ADIPOR2: variants seen among roughly 807,000 people sequenced by gnomAD.
ADIPOR2 encodes the protein adiponectin receptor protein 2.
ADIPOR2 carries 18 observed loss-of-function variants against 40.9 expected under a neutral mutation model. The ratio of observed to expected loss-of-function variants is 0.44; its 90% CI spans 0.30 to 0.65. The LOEUF is 0.65. Among genes scored for constraint, ADIPOR2 ranks in the 30% least tolerant of loss-of-function variants. The pLI, the probability that ADIPOR2 is intolerant of heterozygous loss-of-function variation, is 0.09. For missense variants in ADIPOR2, 283 were observed against 479.2 expected (o/e 0.59, Z 3.82); for synonymous variants, 165 against 166.4 (o/e 0.99, Z 0.06).
chr12:1,747,012 G>T (rs1346792836), intron 1 of ADIPOR2, among the ~76,000 whole-genome samples: 2 of 151,768 alleles, frequency 1.3e-5, no homozygotes, highest in Non-Finnish European at 2.9e-5. Context: ...TCTAGTCTGG[G>T]CAACAGAGTA....
At chr12:1,733,840 G>A (rs1355345152) in intron 1 of ADIPOR2, among the ~76,000 whole-genome samples, 2 of 143,666 alleles carry the variant, frequency 1.4e-5, no homozygotes, top group Non-Finnish European at 3.0e-5. Context: ...TCCCACCTAT[G>A]AGTGAGAACA....
intron 1 of ADIPOR2, chr12:1,697,774 C>T (rs796436583): frequency 2.0e-5 from 3 of 152,458 alleles, no homozygotes; most frequent in African/African-American, 7.2e-5. Context: ...TGATTCAAGA[C>T]AGTACAGTAT....
At chr12:1,748,653 T>C (rs2094762298) in intron 1 of ADIPOR2, among the ~76,000 whole-genome samples, 1 of 151,994 alleles carries the variant, frequency 6.6e-6, no homozygotes, top group South Asian at 2.1e-4. Flanking sequence ...TGTCTATGGA[T>C]GTTCAATTAT....
intron 1 of ADIPOR2, among the ~76,000 whole-genome samples, chr12:1,738,776 A>G (rs375891458): frequency 7.2e-5 from 11 of 152,272 alleles, no homozygotes; most frequent in African/African-American, 2.6e-4. Context: ...TGTTGGTTGA[A>G]GAAACCATTT....
intron 1 of ADIPOR2, among the ~76,000 whole-genome samples, chr12:1,733,033 C>T (rs2094723531): frequency 6.6e-6 from 1 of 152,090 alleles, no homozygotes; most frequent in South Asian, 2.1e-4. Flanking sequence ...AATGGGAAAC[C>T]TTGTTAGATT....
chr12:1,720,276 G>A (rs181602355), intron 1 of ADIPOR2, among the ~76,000 whole-genome samples: 1 of 152,240 alleles, frequency 6.6e-6, no homozygotes, highest in Admixed American at 6.5e-5. Flanking sequence ...ACTTTTGCCA[G>A]GCACTATTTT....
At chr12:1,718,371 C>T (rs2094691710) in intron 1 of ADIPOR2, among the ~76,000 whole-genome samples, 1 of 152,014 alleles carries the variant, frequency 6.6e-6, no homozygotes, top group South Asian at 2.1e-4. Context: ...CAGAGAAAGT[C>T]CAGCATCTAT....
chr12:1,779,096 A>G (rs1327886879), intron 4 of ADIPOR2, among the ~76,000 whole-genome samples: 1 of 152,216 alleles, frequency 6.6e-6, no homozygotes, highest in African/African-American at 2.4e-5. Context: ...GGAATGTGAA[A>G]TGGGGCAGTC....
At chr12:1,766,556 C>A (rs1437781368) in intron 2 of ADIPOR2, among the ~76,000 whole-genome samples, 9 of 152,214 alleles carry the variant, frequency 5.9e-5, no homozygotes, top group Admixed American at 5.2e-4. Flanking sequence ...CCCTAGGCCT[C>A]TGACCCTAAA....
chr12:1,719,246 G>A (rs1365058401), intron 1 of ADIPOR2, among the ~76,000 whole-genome samples: 2 of 152,014 alleles, frequency 1.3e-5, no homozygotes, highest in African/African-American at 4.8e-5. Context: ...CTTCTGGAAT[G>A]TAGCAGGGCT....
At chr12:1,775,149 A>G (rs1466468699) in intron 3 of ADIPOR2, among the ~76,000 whole-genome samples, 3 of 152,192 alleles carry the variant, frequency 2.0e-5, no homozygotes, top group Non-Finnish European at 4.4e-5. Flanking sequence ...TTTTTAAGAA[A>G]TGTTTTTGTG....
At chr12:1,778,088 T>C in intron 4 of ADIPOR2, 63 bp downstream of exon 4, 3 of 1,530,018 alleles carry the variant, frequency 2.0e-6, no homozygotes, top group Non-Finnish European at 2.6e-6. Flanking sequence ...TTTTCATGTA[T>C]TTGAGGGTAA....
chr12:1,742,078 G>T (rs886393008), intron 1 of ADIPOR2, among the ~76,000 whole-genome samples: 6 of 151,554 alleles, frequency 4.0e-5, no homozygotes, highest in African/African-American at 1.5e-4. Context: ...GAGAGCCAGG[G>T]TCTGTTTTTT....
chr12:1,759,533 T>A (rs1862224279), intron 2 of ADIPOR2, among the ~76,000 whole-genome samples: 1 of 152,214 alleles, frequency 6.6e-6, no homozygotes, highest in South Asian at 2.1e-4. Flanking sequence ...CAGACTGTGG[T>A]ATCTTTTTGT....
chr12:1,693,029 C>T (rs1048802847), intron 1 of ADIPOR2, among the ~76,000 whole-genome samples: 1 of 152,086 alleles, frequency 6.6e-6, no homozygotes, highest in South Asian at 2.1e-4. Context: ...GTGGCGCACT[C>T]TTGTTATCCC....
Position 1,754,350 on chromosome 12 carries a change from G to A in ADIPOR2, c.7G>A (p.Glu3Lys), listed in dbSNP as rs201213407. 5.6e-6 allele frequency: 9 copies of A among 1,603,704 alleles called. No individual in the cohort carries two copies. The highest frequency in any genetic ancestry group is 4.5e-5 in the East Asian group (2 of 44,528). Residue 3 changes from glutamate to lysine, a missense_variant, in exon 2 of 8, where the codon GAG becomes AAG. By Grantham distance (56) the Glu-to-Lys change is moderately conservative. Transcript: ENST00000357103. ...AGAAAGGCTTGGGTATCCCATGAAC[G>A]AGCCAACAGAAAACCGATTGGGGTG... MNEPTENRLGCSR... is the reference protein window; with the variant it reads MNKPTENRLGCSR...
chr12:1,725,240 G>T (rs1387844266), intron 1 of ADIPOR2, among the ~76,000 whole-genome samples: 3 of 151,924 alleles, frequency 2.0e-5, no homozygotes, highest in African/African-American at 7.3e-5. Flanking sequence ...TCCTGCCTCA[G>T]TCTCCCGAGT....
chr12:1,772,692 A>G (rs1398319903), intron 2 of ADIPOR2, 150 bp from the exon 3 acceptor site: 12 of 944,600 alleles, frequency 1.3e-5, no homozygotes, highest in Middle Eastern at 2.3e-4. Flanking sequence ...TAATAATTCT[A>G]TAATAAACTG....
intron 1 of ADIPOR2, among the ~76,000 whole-genome samples, chr12:1,729,358 A>G (rs2094714803): frequency 6.6e-6 from 1 of 152,058 alleles, no homozygotes; most frequent in Non-Finnish European, 1.5e-5. Context: ...TTTAAAAATT[A>G]TTAAATATTA....
Sources: allele counts gnomAD v4.1 joint callset (sites outside exome capture counted in the v4.1 genomes callset), GRCh38; gene constraint gnomAD v4.1.1; transcripts MANE v1.5; gene names NCBI Gene and HGNC (gene_info 2026-07-23, HGNC 2026-07-21).